The following CDH4 variants were observed in gnomAD, a reference collection of about 807,000 sequenced individuals.
The protein encoded by CDH4 is cadherin 4.
Under a neutral mutation model 86.0 loss-of-function variants are expected in CDH4, and 33 were observed. The observed-to-expected ratio is 0.38, with a 90% CI of 0.29 to 0.51. The LOEUF is 0.51. Among genes scored for constraint, CDH4 ranks in the 20% least tolerant of loss-of-function variants. The pLI is 0.86. For synonymous variants in CDH4, 555 were observed against 549.4 expected (o/e 1.01, Z -0.14); for missense variants, 1,114 against 1,307.4 (o/e 0.85, Z 2.28).
intron 2 of CDH4, among the ~76,000 whole-genome samples, chr20:61,736,638 G>A (rs2088267101): frequency 6.9e-6 from 1 of 145,516 alleles, no homozygotes. Context: ...GAGGGAGGAA[G>A]GAAGGAAGGA....
At chr20:61,637,262 C>G (rs886580203) in intron 2 of CDH4, among the ~76,000 whole-genome samples, 11 of 152,214 alleles carry the variant, frequency 7.2e-5, no homozygotes, top group African/African-American at 2.7e-4. Flanking sequence ...TCTGACTCTG[C>G]CGTTTATCAC....
At chr20:61,318,105 G>T (rs1432518583) in intron 2 of CDH4, among the ~76,000 whole-genome samples, 1 of 152,166 alleles carries the variant, frequency 6.6e-6, no homozygotes, top group East Asian at 1.9e-4. Context: ...AAACCTGGAG[G>T]TGGGACCCAT....
At chr20:61,867,598 G>A (rs997952666) in intron 6 of CDH4, among the ~76,000 whole-genome samples, 1 of 149,216 alleles carries the variant, frequency 6.7e-6, no homozygotes, top group African/African-American at 2.5e-5. Flanking sequence ...TTGAGCCCAA[G>A]TAAAGTGGGG....
intron 2 of CDH4, among the ~76,000 whole-genome samples, chr20:61,451,298 T>C (rs2427107): frequency 0.63 from 95,404 of 151,904 alleles, 30,822 homozygotes; most frequent in African/African-American, 0.78. Flanking sequence ...CGGACCACCA[T>C]GGAGCATGTG....
chr20:61,343,842 G>C (rs2123286947), intron 2 of CDH4, among the ~76,000 whole-genome samples: 1 of 152,276 alleles, frequency 6.6e-6, no homozygotes, highest in Non-Finnish European at 1.5e-5. Flanking sequence ...TCAACCTCAT[G>C]TGCCTGTCAC....
chr20:61,362,362 G>A (rs2084788198), intron 2 of CDH4, among the ~76,000 whole-genome samples: 2 of 151,962 alleles, frequency 1.3e-5, no homozygotes, highest in African/African-American at 4.8e-5. Context: ...ACGTGGCCTA[G>A]GACAGCATAG....
intron 2 of CDH4, chr20:61,600,056 A>G: frequency 7.3e-6 from 5 of 685,506 alleles, no homozygotes; most frequent in Non-Finnish European, 9.0e-6. Flanking sequence ...CTCTATTTGA[A>G]CAGACTGTCT....
chr20:61,398,123 TA>T (rs2085029348), intron 2 of CDH4, among the ~76,000 whole-genome samples: 1 of 152,230 alleles, frequency 6.6e-6, no homozygotes, highest in African/African-American at 2.4e-5. Flanking sequence ...ATTCTCACGT[TA>T]GAATTGAATG....
chr20:61,691,520 ACACTT>A (rs1406724721), intron 2 of CDH4, among the ~76,000 whole-genome samples: 3 of 152,144 alleles, frequency 2.0e-5, no homozygotes, highest in African/African-American at 7.2e-5. Context: ...ATGTACAGTC[ACACTT>A]CACTTAATGA....
intron 4 of CDH4, among the ~76,000 whole-genome samples, chr20:61,788,783 C>T (rs753045209): frequency 6.6e-6 from 1 of 152,194 alleles, no homozygotes; most frequent in Non-Finnish European, 1.5e-5. Flanking sequence ...GACCTGACTT[C>T]AGCTCAGAGA....
At position 61,564,466 on chromosome 20, in the gene CDH4, G is replaced by A. The variant is rs572224720; in HGVS notation, c.170-179097G>A. 1.2e-4 allele frequency among the ~76,000 whole-genome samples: 19 copies of A among 152,226 alleles called. No homozygotes were observed. In the South Asian group the frequency reaches 3.7e-3, roughly 30 times the overall value. On this transcript the variant is annotated intron_variant, in intron 2 of 15. Transcript: ENST00000614565. ...GGTGCTGAGTGAGTTCTCGCTCTGA[G>A]CTCACGGGAGAGCTGGTCGTTTAAA... is the stretch of plus-strand genomic sequence containing the variant.
chr20:61,473,774 G>GAC (rs968141429), intron 2 of CDH4, among the ~76,000 whole-genome samples: 2 of 151,616 alleles, frequency 1.3e-5, no homozygotes, highest in African/African-American at 2.4e-5. Context: ...GACACACAAA[G>GAC]ACACACACAC....
chr20:61,363,640 T>A (rs1274786885), intron 2 of CDH4, among the ~76,000 whole-genome samples: 5 of 152,132 alleles, frequency 3.3e-5, no homozygotes, highest in African/African-American at 1.2e-4. Context: ...GAGTTAGTGT[T>A]CCTGACGGGG....
At chr20:61,655,005 G>A (rs1323061445) in intron 2 of CDH4, among the ~76,000 whole-genome samples, 1 of 152,258 alleles carries the variant, frequency 6.6e-6, no homozygotes, top group Non-Finnish European at 1.5e-5. Flanking sequence ...TGGCTGCTGT[G>A]GGGAGGAGGC....
At chr20:61,565,240 T>C (rs1436974038) in intron 2 of CDH4, among the ~76,000 whole-genome samples, 1 of 65,434 alleles carries the variant, frequency 1.5e-5, no homozygotes, top group Admixed American at 1.6e-4. Flanking sequence ...GTGGTGGTGG[T>C]GGCGGTGCTC....
chr20:61,667,730 A>G (rs1255174219), intron 2 of CDH4, among the ~76,000 whole-genome samples: 5 of 152,090 alleles, frequency 3.3e-5, no homozygotes, highest in Non-Finnish European at 7.4e-5. Flanking sequence ...TCGGGTCTTT[A>G]TGTGCCCTAT....
intron 2 of CDH4, among the ~76,000 whole-genome samples, chr20:61,658,943 A>C (rs2087222210): frequency 6.6e-6 from 1 of 152,112 alleles, no homozygotes; most frequent in African/African-American, 2.4e-5. Flanking sequence ...ATCTCCCTAC[A>C]TCTGTGGCCC....
intron 2 of CDH4, among the ~76,000 whole-genome samples, chr20:61,284,886 C>T (rs1351616234): frequency 6.6e-6 from 1 of 152,178 alleles, no homozygotes; most frequent in Non-Finnish European, 1.5e-5. Context: ...GAAAAGCAGC[C>T]TTAGGAGATA....
intron 4 of CDH4, among the ~76,000 whole-genome samples, chr20:61,809,354 T>C (rs1217915022): frequency 2.6e-5 from 4 of 152,140 alleles, no homozygotes; most frequent in Non-Finnish European, 4.4e-5. Context: ...TCATCTATGA[T>C]CTTAAATGTC....
Sources: allele counts gnomAD v4.1 joint callset (sites outside exome capture counted in the v4.1 genomes callset), GRCh38; gene constraint gnomAD v4.1.1; transcripts MANE v1.5; gene names NCBI Gene and HGNC (gene_info 2026-07-23, HGNC 2026-07-21).